MZT1: variants seen among roughly 807,000 people sequenced by gnomAD.
The protein encoded by MZT1 is mitotic-spindle organizing protein 1.
In MZT1, 8 loss-of-function variants were observed where a neutral mutation model predicts 8.5. That is an observed-to-expected ratio of 0.94 (90% CI 0.55 to 1.70). MZT1 has a LOEUF of 1.70. Ranked by LOEUF, MZT1 falls within the 40% of genes most tolerant of loss-of-function variation. MZT1 has a pLI of 0.00. For synonymous variants in MZT1, 38 were observed against 42.0 expected (o/e 0.90, Z 0.37); for missense variants, 93 against 108.6 (o/e 0.86, Z 0.64).
rs149318950 is a variant in MZT1 at position 72,712,485 on chromosome 13, T to C, written c.226-2140A>G. ...CCCTAGTTTTAATGTGATGCTAGTA[T>C]ACTGTTTCTAGATCATAGGAGAAAT... is the stretch of plus-strand genomic sequence containing the variant. On this transcript the variant is annotated intron_variant, in intron 2 of 2. Transcript: ENST00000377818. Among the ~76,000 whole-genome samples the C allele has an allele frequency of 4.8e-3, 733 of 152,324 alleles. 5 individuals are homozygous for C. The highest frequency in any genetic ancestry group is 0.017 in the African/African-American group (694 of 41,578).
intron 2 of MZT1, among the ~76,000 whole-genome samples, chr13:72,716,533 T>A (rs1234377855): frequency 6.6e-6 from 1 of 152,188 alleles, no homozygotes; most frequent in East Asian, 1.9e-4. Context: ...TTTAAATAGT[T>A]GATTTCTTAA....
chr13:72,722,038 T>C (rs2032597626), intron 1 of MZT1, among the ~76,000 whole-genome samples: 1 of 152,248 alleles, frequency 6.6e-6, no homozygotes, highest in Admixed American at 6.5e-5. Context: ...AAATGCTTAT[T>C]TATAGTGACA....
At position 72,708,449 on chromosome 13, in the gene MZT1, TATTACTTAA is replaced by T. The variant is rs2032452660; in HGVS notation, c.*1864_*1872del. The T allele has an allele frequency of 6.6e-6, 1 of 152,592 alleles. No individual in the cohort carries two copies. The highest frequency in any genetic ancestry group is 1.5e-5 in the Non-Finnish European group (1 of 68,040). The allele number at this position is 152,592 out of a possible 1,614,324, so 9.5% of individuals were successfully genotyped here. ...TCATTATTTTGTTTAGTTTCTTAAA[TATTACTTAA>T]GTATGCATTAAAAATATGTTTACAT... is the stretch of plus-strand genomic sequence containing the variant. On this transcript the variant is annotated 3_prime_UTR_variant, in exon 3 of 3. Transcript: ENST00000377818.
In MZT1 at chr13:72,725,935, AC is replaced by A. The variant is rs1392749689; in HGVS notation, c.79+1588del. Among the ~76,000 whole-genome samples, 3 of 152,150 alleles carry A rather than the reference AC, an allele frequency of 2.0e-5. 1 individual carries two copies. The East Asian group carries it at 5.8e-4, about 30-fold the overall frequency. ...TATATATTCATACATAAATCCACTTACAAAATAAAACTATTAAGTGTTGATA... is the reference window on the plus strand; with the variant it reads ...TATATATTCATACATAAATCCACTTAAAAATAAAACTATTAAGTGTTGATA... On this transcript the variant is annotated intron_variant, in intron 1 of 2. Coordinates refer to ENST00000377818, the MANE Select transcript of MZT1 (RefSeq NM_001071775.3).
At position 72,718,948 on chromosome 13, in the gene MZT1, C is replaced by A. The variant is rs775650384; in HGVS notation, c.225+4G>T. On this transcript the variant is annotated splice_donor_region_variant and intron_variant, in intron 2 of 2. Transcript: ENST00000377818. ...TTTAGAATGAACTAATAGGAATCTC[C>A]AACCTTCAGTGCTTCAGTAGCCTTG... 6.4e-7 allele frequency: 1 copy of A among 1,559,744 alleles called. No individual in the cohort carries two copies. The highest frequency in any genetic ancestry group is 8.6e-7 in the Non-Finnish European group (1 of 1,163,076).
intron 1 of MZT1, among the ~76,000 whole-genome samples, chr13:72,726,744 G>GA (rs35019188): frequency 0.75 from 98,488 of 132,124 alleles, 36,919 homozygotes; most frequent in East Asian, 0.94. Flanking sequence ...TTATTTTACA[G>GA]AAAAAAAAAA....
chr13:72,724,714 A>C (rs1352305249), intron 1 of MZT1, among the ~76,000 whole-genome samples: 1 of 22,470 alleles, frequency 4.5e-5, no homozygotes, highest in Non-Finnish European at 3.1e-4. Flanking sequence ...ATATATATAT[A>C]TATACATATA....
At chr13:72,714,107 T>C (rs1205152372) in intron 2 of MZT1, among the ~76,000 whole-genome samples, 1 of 150,238 alleles carries the variant, frequency 6.7e-6, no homozygotes, top group Non-Finnish European at 1.5e-5. Flanking sequence ...CCCATGACAG[T>C]CTCCGAGGCC....
intron 1 of MZT1, among the ~76,000 whole-genome samples, chr13:72,721,549 A>G (rs2032594226): frequency 6.6e-6 from 1 of 152,164 alleles, no homozygotes; most frequent in South Asian, 2.1e-4. Context: ...CCTCTCAGGT[A>G]CTGTTATTCA....
chr13:72,717,828 A>C (rs1435224380), intron 2 of MZT1, among the ~76,000 whole-genome samples: 1 of 152,164 alleles, frequency 6.6e-6, no homozygotes, highest in Non-Finnish European at 1.5e-5. Flanking sequence ...CTGAGCCCTC[A>C]CCAGAATTGC....
intron 2 of MZT1, among the ~76,000 whole-genome samples, chr13:72,717,906 TA>T (rs2032551453): frequency 6.6e-6 from 1 of 152,130 alleles, no homozygotes; most frequent in Non-Finnish European, 1.5e-5. Flanking sequence ...TCAAGCACCT[TA>T]AAACTTTCCA....
chr13:72,725,676 T>G (rs1170437646), intron 1 of MZT1, among the ~76,000 whole-genome samples: 1 of 152,096 alleles, frequency 6.6e-6, no homozygotes, highest in Admixed American at 6.5e-5. Context: ...CCAAGTTTTC[T>G]CAGAAGAGAT....
intron 2 of MZT1, among the ~76,000 whole-genome samples, chr13:72,712,651 T>G (rs566379418): frequency 9.9e-5 from 15 of 152,196 alleles, no homozygotes; most frequent in Non-Finnish European, 1.8e-4. Context: ...ACTAGTATGC[T>G]AAAAGCTGAA....
intron 1 of MZT1, among the ~76,000 whole-genome samples, chr13:72,723,622 C>A (rs993146304): frequency 1.5e-4 from 23 of 152,066 alleles, no homozygotes; most frequent in African/African-American, 5.3e-4. Flanking sequence ...CAAGATATCT[C>A]ATTATGTATG....
At chr13:72,714,156 C>G (rs1367540145) in intron 2 of MZT1, among the ~76,000 whole-genome samples, 1 of 152,062 alleles carries the variant, frequency 6.6e-6, no homozygotes, top group African/African-American at 2.4e-5. Context: ...GCATGTTATG[C>G]TTTAGCAAAA....
intron 2 of MZT1, among the ~76,000 whole-genome samples, chr13:72,715,800 T>C (rs1214196015): frequency 1.3e-5 from 2 of 152,172 alleles, no homozygotes; most frequent in African/African-American, 4.8e-5. Context: ...TCCATAATGA[T>C]TGTAACCTTC....
chr13:72,727,418 G>A, intron 1 of MZT1, 106 bp downstream of exon 1: 2 of 1,120,030 alleles, frequency 1.8e-6, no homozygotes, highest in Admixed American at 1.7e-5. Flanking sequence ...GGAAGATGCC[G>A]TTTGGGGCAC....
chr13:72,722,851 T>C (rs927498963), intron 1 of MZT1, among the ~76,000 whole-genome samples: 2 of 152,226 alleles, frequency 1.3e-5, no homozygotes, highest in African/African-American at 2.4e-5. Flanking sequence ...CTGATAATTA[T>C]ATTTTCTTAC....
intron 2 of MZT1, among the ~76,000 whole-genome samples, chr13:72,713,627 C>T (rs1427151687): frequency 6.6e-6 from 1 of 152,104 alleles, no homozygotes; most frequent in Non-Finnish European, 1.5e-5. Context: ...CCATCCTTCC[C>T]CCTGTTCCCC....
Sources: gnomAD v4.1 joint callset for allele counts (sites outside exome capture counted in the v4.1 genomes callset) on GRCh38, gnomAD v4.1.1 for gene constraint, MANE v1.5 for transcripts, NCBI Gene and HGNC (gene_info 2026-07-23, HGNC 2026-07-21) for gene names.